Variants in GRIN2A observed in about 807,000 individuals in gnomAD.
The protein encoded by GRIN2A is glutamate ionotropic receptor NMDA type subunit 2A.
In GRIN2A, 22 loss-of-function variants were observed where a neutral mutation model predicts 113.4. The ratio of observed to expected loss-of-function variants is 0.19; its 90% CI spans 0.14 to 0.28. GRIN2A has a LOEUF of 0.28. GRIN2A is among the 10% of genes least tolerant of loss of function. The pLI is 1.00. For synonymous variants in GRIN2A, 827 were observed against 738.4 expected (o/e 1.12, Z -1.94); for missense variants, 1,502 against 1,887.0 (o/e 0.80, Z 3.78).
intron 2 of GRIN2A, among the ~76,000 whole-genome samples, chr16:10,123,868 C>T (rs1358574394): frequency 1.3e-5 from 2 of 152,166 alleles, no homozygotes; most frequent in Non-Finnish European, 2.9e-5. Context: ...CAGAATAGTG[C>T]TCAAAATAAC....
intron 2 of GRIN2A, among the ~76,000 whole-genome samples, chr16:10,169,648 G>C (rs1353866340): frequency 6.6e-6 from 1 of 152,178 alleles, no homozygotes; most frequent in African/African-American, 2.4e-5. Flanking sequence ...AGAATGGGAA[G>C]GATCTGAGTC....
intron 2 of GRIN2A, among the ~76,000 whole-genome samples, chr16:10,116,662 C>A (rs1275176441): frequency 6.6e-6 from 1 of 152,132 alleles, no homozygotes; most frequent in African/African-American, 2.4e-5. Flanking sequence ...GGAAAAGAAG[C>A]CAGCAGCAGG....
At chr16:9,847,801 C>T (rs1840749258) in intron 5 of GRIN2A, among the ~76,000 whole-genome samples, 1 of 148,232 alleles carries the variant, frequency 6.7e-6, no homozygotes, top group Non-Finnish European at 1.5e-5. Context: ...TCTAACATAA[C>T]AGTAGGGGCA....
intron 2 of GRIN2A, among the ~76,000 whole-genome samples, chr16:10,095,031 TA>T: frequency 6.6e-6 from 1 of 151,206 alleles, no homozygotes. Context: ...GTCATAAGAG[TA>T]GGACCCCAGG....
chr16:10,168,919 C>A (rs922215749), intron 2 of GRIN2A, among the ~76,000 whole-genome samples: 1 of 151,296 alleles, frequency 6.6e-6, no homozygotes, highest in Non-Finnish European at 1.5e-5. Flanking sequence ...AAACCAAGAT[C>A]GTGCCATTGA....
Sources: allele counts gnomAD v4.1 joint callset (sites outside exome capture counted in the v4.1 genomes callset), GRCh38; gene constraint gnomAD v4.1.1; transcripts MANE v1.5; gene names NCBI Gene and HGNC (gene_info 2026-07-23, HGNC 2026-07-21).